CREB3L2: variants seen among roughly 807,000 people sequenced by gnomAD.
CREB3L2 encodes cAMP responsive element binding protein 3 like 2, also known as cyclic AMP-responsive element-binding protein 3-like protein 2.
Under a neutral mutation model 57.2 loss-of-function variants are expected in CREB3L2, and 23 were observed. The ratio of observed to expected loss-of-function variants is 0.40; its 90% confidence interval spans 0.29 to 0.57. The LOEUF is 0.57. CREB3L2 is among the 20% of genes least tolerant of loss of function. The pLI is 0.42. For missense variants in CREB3L2, 628 were observed against 634.7 expected (o/e 0.99, Z 0.11); for synonymous variants, 268 against 265.1 (o/e 1.01, Z -0.11).
chr7:137,901,496 G>T, intron 7 of CREB3L2, 74 bp from the exon 8 acceptor site: 1 of 935,476 alleles, frequency 1.1e-6, no homozygotes, highest in Non-Finnish European at 1.7e-6. Flanking sequence ...GGTGGAGGTA[G>T]GTGGGGATGA....
At chr7:137,965,417 A>T (rs976530906) in intron 1 of CREB3L2, among the ~76,000 whole-genome samples, 2 of 152,220 alleles carry the variant, frequency 1.3e-5, no homozygotes, top group Non-Finnish European at 2.9e-5. Context: ...TTCCCTTAGG[A>T]TAATTAAATC....
intron 1 of CREB3L2, among the ~76,000 whole-genome samples, chr7:137,993,663 G>A (rs1801938589): frequency 6.6e-6 from 1 of 152,172 alleles, no homozygotes. Flanking sequence ...GGGATTACAA[G>A]CATGGGCTAC....
chr7:137,944,262 G>A (rs907698021), intron 1 of CREB3L2, among the ~76,000 whole-genome samples: 10 of 152,170 alleles, frequency 6.6e-5, no homozygotes, highest in African/African-American at 1.2e-4. Flanking sequence ...CACAGAGTCC[G>A]TGTGTGGAAC....
At chr7:137,912,011 A>G (rs1800015537) in intron 4 of CREB3L2, among the ~76,000 whole-genome samples, 1 of 152,138 alleles carries the variant, frequency 6.6e-6, no homozygotes, top group Non-Finnish European at 1.5e-5. Context: ...ATTCCTAACT[A>G]TGGGCTTCAT....
At chr7:137,927,344 G>A (rs1183999938) in intron 2 of CREB3L2, among the ~76,000 whole-genome samples, 6 of 147,252 alleles carry the variant, frequency 4.1e-5, no homozygotes, top group Admixed American at 1.4e-4. Flanking sequence ...GAGGGAAAGA[G>A]GAAGGGAGAG....
At position 137,915,834 on chromosome 7, in the gene CREB3L2, T is replaced by A; in HGVS notation, c.495+3A>T. 4 of 1,612,878 alleles carry A rather than the reference T, an allele frequency of 2.5e-6. No homozygotes were observed. The highest frequency in any genetic ancestry group is 3.4e-6 in the Non-Finnish European group (4 of 1,179,424). On this transcript the variant is annotated splice_donor_region_variant and intron_variant, in intron 3 of 11. Coordinates refer to ENST00000330387, the MANE Select transcript of CREB3L2 (RefSeq NM_194071.4). ...TGTTTAAACAGACGAAAATTGAGCA[T>A]ACCCCAGTGTTCATTTCCAGAGGAG...
At chr7:137,932,340 T>C (rs1195065120) in intron 1 of CREB3L2, among the ~76,000 whole-genome samples, 4 of 152,202 alleles carry the variant, frequency 2.6e-5, no homozygotes, top group Non-Finnish European at 5.9e-5. Context: ...AGTTTTGTTT[T>C]CAGAATGTGG....
chr7:137,902,153 C>G (rs1004227439), intron 7 of CREB3L2, among the ~76,000 whole-genome samples: 1 of 133,542 alleles, frequency 7.5e-6, no homozygotes, highest in African/African-American at 2.7e-5. Context: ...AAGATCATGC[C>G]ACAGCACTCC....
At position 137,946,890 on chromosome 7, in the gene CREB3L2, ATATATATAGT is replaced by A. The variant is rs1260779171; in HGVS notation, c.103-18534_103-18525del. On this transcript the variant is annotated intron_variant, in intron 1 of 11. Coordinates refer to ENST00000330387, the MANE Select transcript of CREB3L2 (RefSeq NM_194071.4). Reference sequence around the variant, plus strand: ...TATATATATAGTTATCTATATAGTTATATATATAGTTATATATATAGTTATATATATAGTT... The same window carrying A: ...TATATATATAGTTATCTATATAGTTATATATATATAGTTATATATATAGTT... Among the ~76,000 whole-genome samples, 96 of 44,168 alleles carry A rather than the reference ATATATATAGT, an allele frequency of 2.2e-3. 6 individuals are homozygous for A. Among genetic ancestry groups the A allele is most frequent in the African/African-American group, 9.7e-3 (80 of 8,232 alleles). The allele number at this position is 44,168 out of a possible 152,430, so 29.0% of individuals were successfully genotyped here.
At chr7:137,929,063 T>G (rs1800548028) in intron 1 of CREB3L2, among the ~76,000 whole-genome samples, 1 of 152,150 alleles carries the variant, frequency 6.6e-6, no homozygotes, top group Non-Finnish European at 1.5e-5. Flanking sequence ...ACATTAGAGG[T>G]GGCTTCTCTC....
chr7:137,963,645 G>A (rs1375141075), intron 1 of CREB3L2, among the ~76,000 whole-genome samples: 2 of 151,804 alleles, frequency 1.3e-5, no homozygotes, highest in African/African-American at 2.4e-5. Context: ...CCTCCTTCAC[G>A]AACTGTATTT....
chr7:137,913,148 A>G (rs886689082), intron 3 of CREB3L2, 70 bp from the exon 4 acceptor site: 8 of 1,481,168 alleles, frequency 5.4e-6, no homozygotes, highest in Non-Finnish European at 7.4e-6. Flanking sequence ...CAGGAGAGCT[A>G]TTTGTCACCT....
intron 1 of CREB3L2, among the ~76,000 whole-genome samples, chr7:137,995,324 CTTTTCTTTCTTTTTT>C (rs1801970291): frequency 1.7e-5 from 1 of 59,224 alleles, no homozygotes; most frequent in African/African-American, 6.3e-5. Context: ...CTTTTTTTTT[CTTTTCTTTCTTTTTT>C]TTTTTTTTTT....
intron 8 of CREB3L2, among the ~76,000 whole-genome samples, chr7:137,887,975 T>C (rs887728054): frequency 6.6e-6 from 1 of 152,142 alleles, no homozygotes; most frequent in Admixed American, 6.5e-5. Flanking sequence ...TTCCTGGAGA[T>C]AAAGTCTTGC....
intron 1 of CREB3L2, among the ~76,000 whole-genome samples, chr7:137,966,443 C>G (rs1194113295): frequency 2.0e-5 from 3 of 152,110 alleles, no homozygotes; most frequent in African/African-American, 7.2e-5. Context: ...AGGAGGAGCA[C>G]TATCCTTGAT....
intron 8 of CREB3L2, among the ~76,000 whole-genome samples, chr7:137,886,742 C>T (rs923701873): frequency 8.1e-5 from 12 of 147,860 alleles, no homozygotes; most frequent in African/African-American, 1.6e-4. Flanking sequence ...AAAAAGGAGA[C>T]GTTTTATCCC....
rs568999366 is a variant in CREB3L2, at chr7:137,962,224, C to T, written c.103-33858G>A. Among the ~76,000 whole-genome samples the T allele has an allele frequency of 3.9e-5, 6 of 152,258 alleles. No homozygotes were observed. In the East Asian group the frequency reaches 1.2e-3, roughly 29 times the overall value. ...TGGGCGACTTGAATTCTAAAGCTGCCATACACTGAACTAAAAGCTGTCTCT... is the reference window on the plus strand; with the variant it reads ...TGGGCGACTTGAATTCTAAAGCTGCTATACACTGAACTAAAAGCTGTCTCT... On this transcript the variant is annotated intron_variant, in intron 1 of 11. Coordinates refer to ENST00000330387, the MANE Select transcript of CREB3L2 (RefSeq NM_194071.4).
At position 137,877,165 on chromosome 7, in the gene CREB3L2, C is replaced by T; in HGVS notation, c.*3311G>A. 4.4e-6 allele frequency: 1 copy of T among 229,026 alleles called. No individual in the cohort carries two copies. The highest frequency in any genetic ancestry group is 6.2e-5 in the East Asian group (1 of 16,114). The allele number at this position is 229,026 out of a possible 1,614,324, so 14.2% of individuals were successfully genotyped here. A position where few individuals can be genotyped will look rare whatever the true frequency, so the allele number is the denominator to read the frequency against. On this transcript the variant is annotated 3_prime_UTR_variant, in exon 12 of 12. Coordinates refer to ENST00000330387, the MANE Select transcript of CREB3L2 (RefSeq NM_194071.4). ...GGGCACGTAAGATTCACAAGCTGAACCAAGAGATTTAGGAAGAAAAAAAAA... is the reference window on the plus strand; with the variant it reads ...GGGCACGTAAGATTCACAAGCTGAATCAAGAGATTTAGGAAGAAAAAAAAA...
rs1032599624 is a variant in CREB3L2 at position 138,001,376 on chromosome 7, ATTG to A, written c.102+225_102+227del. Among the ~76,000 whole-genome samples the A allele has an allele frequency of 8.5e-5, 13 of 152,186 alleles. No homozygotes were observed. The highest frequency in any genetic ancestry group is 3.1e-4 in the African/African-American group (13 of 41,446). On this transcript the variant is annotated intron_variant, in intron 1 of 11. Transcript: ENST00000330387. The surrounding 1 kb of genome is among the most constrained non-coding windows in gnomAD (Gnocchi z 4.2). The stretch of plus-strand genomic sequence containing the variant: ...AAAAGCCTCAGGGAAAAAAGCATGA[ATTG>A]TTAAAGGAATACAAAGTGGCATTAC...
Sources: allele counts gnomAD v4.1 joint callset (sites outside exome capture counted in the v4.1 genomes callset), GRCh38; gene constraint gnomAD v4.1.1; non-coding constraint Gnocchi (gnomAD v3.1); transcripts MANE v1.5; gene names NCBI Gene and HGNC (gene_info 2026-07-23, HGNC 2026-07-21).